Variants in GPRIN1 observed in about 807,000 individuals in gnomAD.
GPRIN1 encodes the protein G protein regulated inducer of neurite outgrowth 1.
GPRIN1 carries 4 observed loss-of-function variants against 2.8 expected under a neutral mutation model. That is an observed-to-expected ratio of 1.45 (90% CI 0.71 to 3.32). GPRIN1 has a LOEUF of 3.32. GPRIN1 is among the 30% of genes most tolerant of loss of function. The probability of loss-of-function intolerance (pLI) is 0.01; values close to 1 mark genes in which losing one functional copy is unlikely to be tolerated. For synonymous variants in GPRIN1, 589 were observed against 589.9 expected, an observed-to-expected ratio of 1.00 and a Z score of 0.02; for missense variants, 1,322 against 1,343.4, an observed-to-expected ratio of 0.98 and a Z score of 0.25.
chr5:176,599,494 C>T lies in GPRIN1; in HGVS notation c.341G>A (p.Gly114Glu), dbSNP rs1048027500. 1.2e-6 allele frequency: 2 copies of T among 1,611,550 alleles called. No homozygotes were observed. The highest frequency in any genetic ancestry group is 2.7e-5 in the African/African-American group (2 of 74,774). ...SPSKETLEAH[G>E]ASISGTPEAT... ...TTCTGGTGTCCCTGAGATGGAGGCT[C>T]CATGTGCCTCCAATGTCTCCTTGGA... Residue 114 changes from glycine to glutamate, a missense_variant, in exon 2 of 2, where the codon GGA becomes GAA. Gly to Glu is a moderately conservative substitution (Grantham distance 98). Coordinates refer to ENST00000303991, the MANE Select transcript of GPRIN1 (RefSeq NM_052899.3).
At chr5:176,609,573 AG>A (rs1189556751) in intron 1 of GPRIN1, among the ~76,000 whole-genome samples, 1 of 152,052 alleles carries the variant, frequency 6.6e-6, no homozygotes, top group Non-Finnish European at 1.5e-5. Context: ...GAGCCAGTGG[AG>A]CGTTGAGCTC....
chr5:176,597,861 A>G lies in GPRIN1; in HGVS notation c.1974T>C (p.Cys658=), dbSNP rs1759074778. Residue 658 remains cysteine, a synonymous_variant, in exon 2 of 2, where the codon TGT becomes TGC. Coordinates refer to ENST00000303991, the MANE Select transcript of GPRIN1 (RefSeq NM_052899.3). The surrounding 1 kb of genome is among the most constrained non-coding windows in gnomAD (Gnocchi z 6.1). ...AGGCCTGTGGTGTCTCCTTTTTCAAACACACAGCCCCTGCTTCCCCTGGTG... is the reference window on the plus strand; with the variant it reads ...AGGCCTGTGGTGTCTCCTTTTTCAAGCACACAGCCCCTGCTTCCCCTGGTG... ...AAAPGEAGAV[C]LKKETPQASE... The G allele has an allele frequency of 1.9e-6, 3 of 1,612,942 alleles. No individual in the cohort carries two copies. In the East Asian group the frequency reaches 6.7e-5, roughly 36 times the overall value.
At chr5:176,609,331 C>T (rs1759273805) in intron 1 of GPRIN1, among the ~76,000 whole-genome samples, 1 of 152,116 alleles carries the variant, frequency 6.6e-6, no homozygotes, top group Non-Finnish European at 1.5e-5. Context: ...GGTTTGAGTG[C>T]GTAGCTGTGC....
Position 176,599,181 on chromosome 5 carries a change from A to C in GPRIN1, c.654T>G (p.Asp218Glu). ...TATACGTCTTGCTGGAGCACAAAGG[A>C]TCTACTTTTCCCAGGGATCCAAGAT... is the stretch of plus-strand genomic sequence containing the variant. ...KEDLGSLGKV[D>E]PLCSSKTYTV... The change falls in exon 2 of 2, where the codon GAT (aspartate) becomes GAG (glutamate). Residue 218 changes from aspartate (D) to glutamate (E), a missense_variant. By Grantham distance (45) the Asp-to-Glu change is conservative. Around this residue, in one of 3 missense-constraint regions of GPRIN1, gnomAD observed 1,117 missense variants for 1,128.6 expected, o/e 0.99. Transcript: ENST00000303991. The C allele has an allele frequency of 1.2e-6, 2 of 1,613,748 alleles. No homozygotes were observed. The highest frequency in any genetic ancestry group is 2.2e-5 in the South Asian group (2 of 91,066).
In GPRIN1 at chr5:176,602,373, T is replaced by C. The variant is rs1229531285; in HGVS notation, c.-43-2496A>G. On this transcript the variant is annotated intron_variant, in intron 1 of 1. Coordinates refer to ENST00000303991, the MANE Select transcript of GPRIN1 (RefSeq NM_052899.3). The surrounding 1 kb of genome is among the most constrained non-coding windows in gnomAD (Gnocchi z 4.4). ...ACATATATTCGCTTATTGCTTGTGG[T>C]GTGTTGCTCTCATTAAAATGCCAGC... Among the ~76,000 whole-genome samples, 2 of 152,182 alleles carry C rather than the reference T, an allele frequency of 1.3e-5. No individual in the cohort carries two copies. The highest frequency in any genetic ancestry group is 2.4e-5 in the African/African-American group (1 of 41,454).
Position 176,598,635 on chromosome 5 carries a change from T to G in GPRIN1, c.1200A>C (p.Thr400=). ...GHTDTTASAK[T]DLTSLKNVDP... is the part of the protein sequence containing the mutation. ...CCACATTTTTCAAAGATGTGAGATCTGTCTTTGCTGAAGCCGTAGTATCCG... is the reference window on the plus strand; with the variant it reads ...CCACATTTTTCAAAGATGTGAGATCGGTCTTTGCTGAAGCCGTAGTATCCG... Residue 400 remains threonine (T), a synonymous_variant, in exon 2 of 2, where the codon ACA becomes ACC. Coordinates refer to ENST00000303991, the MANE Select transcript of GPRIN1 (RefSeq NM_052899.3). The G allele has an allele frequency of 6.2e-7, 1 of 1,614,192 alleles. No individual in the cohort carries two copies. Among genetic ancestry groups the G allele is most frequent in the Non-Finnish European group, 8.5e-7 (1 of 1,180,044 alleles).
rs371930942 is a variant in GPRIN1 at position 176,598,026 on chromosome 5, C to T, written c.1809G>A (p.Glu603=). The change falls in exon 2 of 2, where the codon GAG becomes GAA. Residue 603 remains glutamate (E), a synonymous_variant. Transcript: ENST00000303991. ...VSLGKAEAIP[E]GKVGSLPLEK... ...CTAGAGGCAGAGAACCCACTTTTCCCTCTGGGATAGCTTCTGCTTTTCCCA... is the reference window on the plus strand; with the variant it reads ...CTAGAGGCAGAGAACCCACTTTTCCTTCTGGGATAGCTTCTGCTTTTCCCA... 1 of 1,613,938 alleles carries T rather than the reference C, an allele frequency of 6.2e-7. No individual in the cohort carries two copies. Among genetic ancestry groups the T allele is most frequent in the East Asian group, 2.2e-5 (1 of 44,886 alleles).
rs1450049372 is a variant in GPRIN1 at position 176,597,395 on chromosome 5, T to G, written c.2440A>C (p.Thr814Pro). The change falls in exon 2 of 2, where the codon ACT (threonine) becomes CCT (proline). Residue 814 changes from threonine to proline, a missense_variant. Physicochemically the swap from Thr to Pro is conservative, Grantham distance 38 (BLOSUM62 -1). Transcript: ENST00000303991. The surrounding 1 kb of genome is among the most constrained non-coding windows in gnomAD (Gnocchi z 6.1). ...ACGCAGGCCTGCGCGCCCGCCTGAGTGCCCGCGTCCTCGCGCGGCGGCGGC... is the reference window on the plus strand; with the variant it reads ...ACGCAGGCCTGCGCGCCCGCCTGAGGGCCCGCGTCCTCGCGCGGCGGCGGC... ...APPPPREDAG[T>P]QAGAQACVSV... is the part of the protein sequence containing the mutation. 1 of 1,288,380 alleles carries G rather than the reference T, an allele frequency of 7.8e-7. No homozygotes were observed. Among genetic ancestry groups the G allele is most frequent in the Non-Finnish European group, 9.8e-7 (1 of 1,022,544 alleles). 79.8% of individuals were successfully genotyped at this position (1,288,380 alleles called of 1,614,324 possible).
intron 1 of GPRIN1, among the ~76,000 whole-genome samples, chr5:176,607,582 G>A (rs1759239709): frequency 6.6e-6 from 1 of 152,082 alleles, no homozygotes; most frequent in Non-Finnish European, 1.5e-5. Flanking sequence ...GGCCTCAAGT[G>A]ATCCACCCAC....
chr5:176,598,816 C>T lies in GPRIN1; in HGVS notation c.1019G>A (p.Gly340Glu). Residue 340 changes from glycine (G) to glutamate (E), a missense_variant, in exon 2 of 2, where the codon GGG becomes GAG. Around this residue, in one of 3 missense-constraint regions of GPRIN1, gnomAD observed 1,117 missense variants for 1,128.6 expected, o/e 0.99. Transcript: ENST00000303991. ...GPVSSGTGAP[G>E]SLGRLDPTCL... is the part of the protein sequence containing the mutation. ...TGTGGGATCCAGCCTTCCCAAGGACCCAGGAGCCCCGGTCCCAGAGGATAC... is the reference window on the plus strand; with the variant it reads ...TGTGGGATCCAGCCTTCCCAAGGACTCAGGAGCCCCGGTCCCAGAGGATAC... 1 of 1,613,824 alleles carries T rather than the reference C, an allele frequency of 6.2e-7. No individual in the cohort carries two copies. The highest frequency in any genetic ancestry group is 1.3e-5 in the African/African-American group (1 of 75,004).
rs762605559 is a variant in GPRIN1, at chr5:176,596,716, T to C, written c.*92A>G. The C allele has an allele frequency of 1.6e-4, 178 of 1,107,004 alleles. No homozygotes were observed. The highest frequency in any genetic ancestry group is 1.9e-4 in the Non-Finnish European group (168 of 867,170). 68.6% of individuals were successfully genotyped at this position (1,107,004 alleles called of 1,614,324 possible). A position where few individuals can be genotyped will look rare whatever the true frequency, so the allele number is the denominator to read the frequency against. ...GAGGCTGCACAACCCCTCGGAGGCC[T>C]GTGGCACGCAGAGGGGACCCCTTCT... On this transcript the variant is annotated 3_prime_UTR_variant, in exon 2 of 2. Coordinates refer to ENST00000303991, the MANE Select transcript of GPRIN1 (RefSeq NM_052899.3). This position sits in a 1 kb window ranked among gnomAD's most constrained non-coding sequence, Gnocchi z 5.2.
Position 176,599,097 on chromosome 5 carries a change from T to C in GPRIN1, c.738A>G (p.Ser246=). The part of the protein sequence containing the change: ...GSLRKVDPVS[S]DKVDPVFPRK... ...TTGGGAATACAGGGTCCACTTTGTC[T>C]GAGGACACAGGATCCACCTTTCTCA... is the stretch of plus-strand genomic sequence containing the variant. Residue 246 remains serine, a synonymous_variant, in exon 2 of 2, where the codon TCA becomes TCG. Transcript: ENST00000303991. The C allele has an allele frequency of 2.5e-6, 4 of 1,614,136 alleles. No homozygotes were observed. Among genetic ancestry groups the C allele is most frequent in the Non-Finnish European group, 3.4e-6 (4 of 1,179,998 alleles).
Position 176,599,589 on chromosome 5 carries a change from G to A in GPRIN1, c.246C>T (p.Ser82=), listed in dbSNP as rs1187448257. ...RSPSGAGEGA[S]CSDGPRGSLA... ...GGCTCCCTCTGGGGCCGTCAGAGCA[G>A]GAGGCCCCTTCCCCAGCCCCACTGG... The change falls in exon 2 of 2, where the codon TCC becomes TCT. Residue 82 remains serine, a synonymous_variant. Coordinates refer to ENST00000303991, the MANE Select transcript of GPRIN1 (RefSeq NM_052899.3). 2 of 1,551,112 alleles carry A rather than the reference G, an allele frequency of 1.3e-6. No homozygotes were observed. The highest frequency in any genetic ancestry group is 1.7e-6 in the Non-Finnish European group (2 of 1,152,476).
chr5:176,600,773 A>G (rs1759134711), intron 1 of GPRIN1, among the ~76,000 whole-genome samples: 1 of 151,966 alleles, frequency 6.6e-6, no homozygotes, highest in Non-Finnish European at 1.5e-5. Context: ...AAAATTAGCC[A>G]GGTGTGGTGG....
chr5:176,597,207 C>T lies in GPRIN1; in HGVS notation c.2628G>A (p.Met876Ile). 1 of 1,299,934 alleles carries T rather than the reference C, an allele frequency of 7.7e-7. No individual in the cohort carries two copies. The highest frequency in any genetic ancestry group is 9.8e-7 in the Non-Finnish European group (1 of 1,024,518). 80.5% of individuals were successfully genotyped at this position (1,299,934 alleles called of 1,614,324 possible). The change falls in exon 2 of 2, where the codon ATG becomes ATA. Residue 876 changes from methionine to isoleucine, a missense_variant. Met to Ile is a conservative substitution (Grantham distance 10, BLOSUM62 1). Around this residue, in one of 3 missense-constraint regions of GPRIN1, gnomAD observed 1,117 missense variants for 1,128.6 expected, o/e 0.99. Coordinates refer to ENST00000303991, the MANE Select transcript of GPRIN1 (RefSeq NM_052899.3). The surrounding 1 kb of genome is among the most constrained non-coding windows in gnomAD (Gnocchi z 6.1). ...AETRSVATGP[M>I]TPQAAAPPAF... ...CGGGCGGCGCGGCGGCTTGAGGTGTCATGGGCCCAGTGGCCACGGAGCGCG... is the reference window on the plus strand; with the variant it reads ...CGGGCGGCGCGGCGGCTTGAGGTGTTATGGGCCCAGTGGCCACGGAGCGCG...
Position 176,610,150 on chromosome 5 carries a change from C to T in GPRIN1, c.-195G>A, listed in dbSNP as rs1231590077. The T allele has an allele frequency of 2.0e-5, 3 of 150,548 alleles. No individual in the cohort carries two copies. The highest frequency in any genetic ancestry group is 4.5e-5 in the Non-Finnish European group (3 of 67,144). 9.3% of individuals were successfully genotyped at this position (150,548 alleles called of 1,614,324 possible). A position where few individuals can be genotyped will look rare whatever the true frequency, so the allele number is the denominator to read the frequency against. On this transcript the variant is annotated 5_prime_UTR_variant, in exon 1 of 2. Transcript: ENST00000303991. ...CGCCGTCCCCAGCGCCGGCTCCGCG[C>T]TCCCGCCCCGCGCCCCGCCCCGGGC...
rs372449779 is a variant in GPRIN1 at position 176,596,803 on chromosome 5, G to T, written c.*5C>A. The T allele has an allele frequency of 2.4e-4, 350 of 1,428,634 alleles. No individual in the cohort carries two copies. Among genetic ancestry groups the T allele is most frequent in the Non-Finnish European group, 2.7e-4 (296 of 1,091,716 alleles). 88.5% of individuals were successfully genotyped at this position (1,428,634 alleles called of 1,614,324 possible). On this transcript the variant is annotated 3_prime_UTR_variant, in exon 2 of 2. Coordinates refer to ENST00000303991, the MANE Select transcript of GPRIN1 (RefSeq NM_052899.3). This position sits in a 1 kb window ranked among gnomAD's most constrained non-coding sequence, Gnocchi z 5.2. ...GGAAACTCGGGCGTACAAAATGGGG[G>T]CAGATCACTCGGCCGTGGGTCCCGC...
intron 1 of GPRIN1, among the ~76,000 whole-genome samples, chr5:176,605,294 C>T (rs112517472): frequency 2.6e-5 from 4 of 152,006 alleles, no homozygotes; most frequent in African/African-American, 7.2e-5. Context: ...AGAGTTTCAC[C>T]GTGTTGGCCA....
chr5:176,597,342 C>T lies in GPRIN1; in HGVS notation c.2493G>A (p.Pro831=). ...CVSVAVSPMS[P]QDGAGGSAFS... ...AGGCCGAGCCCCCAGCGCCGTCCTG[C>T]GGAGACATGGGGCTCACGGCCACTG... Residue 831 remains proline (P), a synonymous_variant, in exon 2 of 2, where the codon CCG becomes CCA. Coordinates refer to ENST00000303991, the MANE Select transcript of GPRIN1 (RefSeq NM_052899.3). The surrounding 1 kb of genome is among the most constrained non-coding windows in gnomAD (Gnocchi z 6.1). 1 of 1,248,484 alleles carries T rather than the reference C, an allele frequency of 8.0e-7. No individual in the cohort carries two copies. The highest frequency in any genetic ancestry group is 1.0e-6 in the Non-Finnish European group (1 of 998,788). The allele number at this position is 1,248,484 out of a possible 1,614,324, so 77.3% of individuals were successfully genotyped here. A position where few individuals can be genotyped will look rare whatever the true frequency, so the allele number is the denominator to read the frequency against.
Sources: allele counts gnomAD v4.1 joint callset (sites outside exome capture counted in the v4.1 genomes callset), GRCh38; gene constraint gnomAD v4.1.1; regional missense constraint gnomAD v4.1.1; non-coding constraint Gnocchi (gnomAD v3.1); transcripts MANE v1.5; gene names NCBI Gene and HGNC (gene_info 2026-07-23, HGNC 2026-07-21).